Variants in ROBO2 observed in about 807,000 individuals in gnomAD.
ROBO2 encodes the protein roundabout guidance receptor 2.
A neutral mutation model predicts 160.8 loss-of-function variants in ROBO2; 53 were observed. The observed-to-expected ratio is 0.33, with a 90% CI of 0.26 to 0.41. The LOEUF (loss-of-function observed/expected upper bound fraction) is 0.41. Among genes scored for constraint, ROBO2 ranks in the 10% least tolerant of loss-of-function variants. The pLI, the probability that ROBO2 is intolerant of heterozygous loss-of-function variation, is 1.00. For synonymous variants in ROBO2, 664 were observed against 611.7 expected (o/e 1.09, Z -1.26); for missense variants, 1,577 against 1,722.4 (o/e 0.92, Z 1.49).
At chr3:77,627,291 T>A (rs1317252430) in intron 23 of ROBO2, among the ~76,000 whole-genome samples, 1 of 152,138 alleles carries the variant, frequency 6.6e-6, no homozygotes, top group Non-Finnish European at 1.5e-5. Flanking sequence ...TCTTTCTTTT[T>A]TTTTCTGAGA....
At chr3:76,128,034 T>C (rs1388405127) in intron 2 of ROBO2, among the ~76,000 whole-genome samples, 1 of 151,578 alleles carries the variant, frequency 6.6e-6, no homozygotes, top group Non-Finnish European at 1.5e-5. Context: ...TAGCTGGGAC[T>C]ACAGGCGCCC....
chr3:76,776,281 T>A (rs552459829), intron 2 of ROBO2, among the ~76,000 whole-genome samples: 2 of 150,998 alleles, frequency 1.3e-5, no homozygotes, highest in African/African-American at 4.8e-5. Flanking sequence ...TGCTGATAAC[T>A]GATTGATTTT....
chr3:77,378,212 A>G (rs2153483448), intron 2 of ROBO2, among the ~76,000 whole-genome samples: 1 of 152,304 alleles, frequency 6.6e-6, no homozygotes, highest in South Asian at 2.1e-4. Flanking sequence ...ATTGAAACTC[A>G]ATAGGTAAGT....
intron 2 of ROBO2, among the ~76,000 whole-genome samples, chr3:77,330,861 AT>A (rs369676302): frequency 6.6e-6 from 1 of 152,116 alleles, no homozygotes; most frequent in Non-Finnish European, 1.5e-5. Flanking sequence ...GTAAAGTATT[AT>A]TTTTTTAAGG....
intron 2 of ROBO2, among the ~76,000 whole-genome samples, chr3:77,252,831 A>AAAAAAATATATAT: frequency 4.8e-4 from 6 of 12,518 alleles, no homozygotes; most frequent in African/African-American, 6.3e-4. Context: ...AAAAAAAAAA[A>AAAAAAATATATAT]ATATATATAT....
intron 2 of ROBO2, among the ~76,000 whole-genome samples, chr3:76,653,244 G>C (rs1474037744): frequency 6.6e-6 from 1 of 151,734 alleles, no homozygotes; most frequent in African/African-American, 2.4e-5. Context: ...GAGTAATACT[G>C]TCATAGGAAT....
In ROBO2 at chr3:76,948,890, A is replaced by T. The variant is rs1559749591; in HGVS notation, c.110-149124A>T. On this transcript the variant is annotated intron_variant, in intron 2 of 26. Coordinates refer to the ROBO2 transcript ENST00000487694. ...CGGCTAATTTTATATATATATATAT[A>T]TATATATATATATATATATTTTTTT... Among the ~76,000 whole-genome samples, 34 of 26,394 alleles carry T rather than the reference A, an allele frequency of 1.3e-3. 1 individual carries two copies. Among genetic ancestry groups the T allele is most frequent in the African/African-American group, 3.6e-3 (30 of 8,264 alleles). The allele number at this position is 26,394 out of a possible 152,430, so 17.3% of individuals were successfully genotyped here.
intron 2 of ROBO2, among the ~76,000 whole-genome samples, chr3:77,315,703 G>A (rs1390837232): frequency 6.6e-6 from 1 of 152,016 alleles, no homozygotes; most frequent in Non-Finnish European, 1.5e-5. Context: ...TACGTAATTG[G>A]CTACATGGAT....
At chr3:76,787,361 C>CACACACACAT (rs879742821) in intron 2 of ROBO2, among the ~76,000 whole-genome samples, 4 of 150,396 alleles carry the variant, frequency 2.7e-5, no homozygotes, top group Non-Finnish European at 4.5e-5. Context: ...CACACACACA[C>CACACACACAT]ACACAGAGTT....
At chr3:77,602,386 T>C (rs1350067805) in exon 20 of ROBO2, 3 of 1,614,072 alleles carry the variant, frequency 1.9e-6, no homozygotes, top group Non-Finnish European at 2.5e-6. Context: ...CATACATGAA[T>C]TGGCTGTCGA....
intron 2 of ROBO2, among the ~76,000 whole-genome samples, chr3:76,086,278 C>T (rs2069008829): frequency 6.6e-6 from 1 of 152,140 alleles, no homozygotes; most frequent in Admixed American, 6.6e-5. Context: ...ACCACCAGAT[C>T]TCAGGAGAAT....
intron 2 of ROBO2, among the ~76,000 whole-genome samples, chr3:77,390,654 G>A (rs1194383747): frequency 1.3e-5 from 2 of 152,020 alleles, no homozygotes; most frequent in Non-Finnish European, 2.9e-5. Context: ...TATTAGCAGC[G>A]TGATAACAGA....
At chr3:76,833,455 T>C (rs1485453807) in intron 2 of ROBO2, among the ~76,000 whole-genome samples, 1 of 152,146 alleles carries the variant, frequency 6.6e-6, no homozygotes, top group Admixed American at 6.6e-5. Context: ...TCTGAGAATT[T>C]TCAAGAAATA....
At chr3:76,434,139 G>A (rs2076560852) in intron 2 of ROBO2, 1 of 1,200,778 alleles carries the variant, frequency 8.3e-7, no homozygotes, top group Admixed American at 1.7e-5. Context: ...GCAAGCATTT[G>A]ACTCACTGCT....
chr3:76,820,047 A>G (rs1348526517), intron 2 of ROBO2, among the ~76,000 whole-genome samples: 1 of 152,130 alleles, frequency 6.6e-6, no homozygotes, highest in Non-Finnish European at 1.5e-5. Flanking sequence ...CATGAGTGAC[A>G]GCCTGACTTG....
intron 2 of ROBO2, among the ~76,000 whole-genome samples, chr3:76,049,817 A>G (rs2067594422): frequency 6.6e-6 from 1 of 152,076 alleles, no homozygotes; most frequent in Non-Finnish European, 1.5e-5. Context: ...CACTCCTGGT[A>G]CTACATAGTC....
chr3:76,551,377 G>A lies in ROBO2; in HGVS notation c.110-546637G>A, dbSNP rs191027829. On this transcript the variant is annotated intron_variant, in intron 2 of 26. Coordinates refer to the ROBO2 transcript ENST00000487694. The stretch of plus-strand genomic sequence containing the variant: ...AGGACCTACCCACTTCAGGTCTCCT[G>A]AGAGCTGTTCTGTTGCTCAATGAAG... Among the ~76,000 whole-genome samples, 401 of 152,284 alleles carry A rather than the reference G, an allele frequency of 2.6e-3. 4 individuals are homozygous for A. The highest frequency in any genetic ancestry group is 4.3e-3 in the Non-Finnish European group (290 of 68,028).
At chr3:77,058,910 A>G (rs555368742) in intron 1 of ROBO2, among the ~76,000 whole-genome samples, 12 of 152,284 alleles carry the variant, frequency 7.9e-5, no homozygotes, top group African/African-American at 2.2e-4. Flanking sequence ...TAGTTAGCAC[A>G]CAATCACATG....
intron 8 of ROBO2, among the ~76,000 whole-genome samples, chr3:77,555,351 G>T (rs1269959614): frequency 6.6e-6 from 1 of 151,878 alleles, no homozygotes; most frequent in Non-Finnish European, 1.5e-5. Flanking sequence ...GTTTAGAGCA[G>T]TGTATCTGTT....
Sources: gnomAD v4.1 joint callset for allele counts (sites outside exome capture counted in the v4.1 genomes callset) on GRCh38, gnomAD v4.1.1 for gene constraint, MANE v1.5 for transcripts, NCBI Gene and HGNC (gene_info 2026-07-23, HGNC 2026-07-21) for gene names.